MED13L: variants seen among roughly 807,000 people sequenced by gnomAD.
The protein encoded by MED13L is mediator of RNA polymerase II transcription subunit 13-like.
A neutral mutation model predicts 220.9 loss-of-function variants in MED13L; 7 were observed. That is an observed-to-expected ratio of 0.03 (90% CI 0.02 to 0.06). MED13L has a LOEUF of 0.06. Ranked by LOEUF, MED13L falls within the 10% of genes least tolerant of loss-of-function variation. MED13L has a pLI of 1.00. For missense variants in MED13L, 1,965 were observed against 2,760.5 expected, an observed-to-expected ratio of 0.71 and a Z score of 6.46; for synonymous variants, 1,011 against 1,015.2, an observed-to-expected ratio of 1.00 and a Z score of 0.08.
rs955289612 is a variant in MED13L, at chr12:116,252,000, T to A, written c.73-14295A>T. ...AATTCTTCAAGAAAACATAAAAAAA[T>A]CTAAAATGTCTAGGCACCTAATAAC... On this transcript the variant is annotated intron_variant, in intron 1 of 30. Transcript: ENST00000281928. Among the ~76,000 whole-genome samples, 14 of 150,878 alleles carry A rather than the reference T, an allele frequency of 9.3e-5. 1 individual carries two copies. Among genetic ancestry groups the A allele is most frequent in the African/African-American group, 3.2e-4 (13 of 41,032 alleles).
intron 2 of MED13L, among the ~76,000 whole-genome samples, chr12:116,156,080 A>G (rs1480078604): frequency 1.3e-5 from 2 of 152,114 alleles, no homozygotes; most frequent in Admixed American, 6.6e-5. Flanking sequence ...TAAACCTCTC[A>G]TTTTACTTCA....
At chr12:116,042,686 T>C (rs1881604869) in intron 4 of MED13L, among the ~76,000 whole-genome samples, 1 of 152,192 alleles carries the variant, frequency 6.6e-6, no homozygotes, top group African/African-American at 2.4e-5. Flanking sequence ...TTACATTTTG[T>C]TTATAAAAGC....
At chr12:116,178,274 A>G (rs1306564318) in intron 2 of MED13L, among the ~76,000 whole-genome samples, 3 of 152,240 alleles carry the variant, frequency 2.0e-5, no homozygotes, top group East Asian at 3.8e-4. Flanking sequence ...ATACTCAACC[A>G]AAGACTGGTA....
At chr12:116,206,203 C>T (rs1182086382) in intron 2 of MED13L, among the ~76,000 whole-genome samples, 1 of 150,862 alleles carries the variant, frequency 6.6e-6, no homozygotes, top group Non-Finnish European at 1.5e-5. Flanking sequence ...GCCTCAGCCT[C>T]CTAAGTAGCT....
chr12:116,018,497 A>C (rs1465104115), intron 7 of MED13L, among the ~76,000 whole-genome samples: 1 of 152,180 alleles, frequency 6.6e-6, no homozygotes. Context: ...AATGCTTATA[A>C]ATAAATAATC....
chr12:116,245,388 G>A (rs970768487), intron 1 of MED13L, among the ~76,000 whole-genome samples: 2 of 152,068 alleles, frequency 1.3e-5, no homozygotes, highest in Non-Finnish European at 2.9e-5. Flanking sequence ...GCAAATGTCG[G>A]TCACATGCTC....
chr12:116,023,888 T>C (rs558527105), intron 4 of MED13L, among the ~76,000 whole-genome samples: 1 of 152,150 alleles, frequency 6.6e-6, no homozygotes, highest in Non-Finnish European at 1.5e-5. Context: ...TATAAAATAA[T>C]ATAAACAGTA....
At chr12:116,242,900 AGAG>A (rs1870782375) in intron 1 of MED13L, among the ~76,000 whole-genome samples, 1 of 152,218 alleles carries the variant, frequency 6.6e-6, no homozygotes, top group Non-Finnish European at 1.5e-5. Flanking sequence ...AATTAGCCCT[AGAG>A]GATTATAAAA....
chr12:116,276,399 G>A lies in MED13L; in HGVS notation c.72+661C>T, dbSNP rs1466402532. The A allele has an allele frequency of 5.5e-6, 7 of 1,276,850 alleles. No individual in the cohort carries two copies. In the Admixed American group the frequency reaches 9.3e-5, roughly 17 times the overall value. The allele number at this position is 1,276,850 out of a possible 1,614,324, so 79.1% of individuals were successfully genotyped here. On this transcript the variant is annotated intron_variant, in intron 1 of 30. Transcript: ENST00000281928. ...GAAAAACAGTTTTTAAAAGACACAG[G>A]AGGAGAGAAAGAAGAAAAAGCTTTC...
chr12:115,975,813 C>T (rs1876898351), intron 23 of MED13L, 75 bp from the exon 24 acceptor site: 1 of 1,380,418 alleles, frequency 7.2e-7, no homozygotes, highest in African/African-American at 1.4e-5. Flanking sequence ...CAGAACGACA[C>T]TGAGGGGACC....
chr12:116,053,351 T>G (rs1469448427), intron 4 of MED13L, among the ~76,000 whole-genome samples: 1 of 152,100 alleles, frequency 6.6e-6, no homozygotes, highest in Non-Finnish European at 1.5e-5. Context: ...GAAGAAAAGC[T>G]TAGGTCTGTA....
intron 2 of MED13L, among the ~76,000 whole-genome samples, chr12:116,160,764 T>C (rs554494312): frequency 6.6e-6 from 1 of 150,918 alleles, no homozygotes; most frequent in African/African-American, 2.4e-5. Context: ...TTTATTTTTT[T>C]TTTTTTTGTA....
At chr12:116,277,026 G>GCC in intron 1 of MED13L, 34 bp downstream of exon 1, 1 of 780,322 alleles carries the variant, frequency 1.3e-6, no homozygotes, top group Non-Finnish European at 2.0e-6. Context: ...CCCCTTCCCC[G>GCC]GCACAGCCCC....
intron 4 of MED13L, among the ~76,000 whole-genome samples, chr12:116,044,515 T>C (rs1444177835): frequency 2.6e-5 from 4 of 152,172 alleles, no homozygotes; most frequent in Non-Finnish European, 4.4e-5. Flanking sequence ...GGCCATACTA[T>C]AGGTGGAAAT....
At position 115,960,842 on chromosome 12, in the gene MED13L, C is replaced by T; in HGVS notation, c.*424G>A. On this transcript the variant is annotated 3_prime_UTR_variant, in exon 31 of 31. Transcript: ENST00000281928. ...TCCCAGATTATGGAGTTCAGGTAAC[C>T]CACAGGCCATACACCAGTAACTAAG... The T allele has an allele frequency of 4.0e-6, 1 of 250,858 alleles. No homozygotes were observed. The highest frequency in any genetic ancestry group is 8.9e-5 in the East Asian group (1 of 11,220). 15.5% of individuals were successfully genotyped at this position (250,858 alleles called of 1,614,324 possible).
chr12:116,129,908 CAA>C (rs572694841), intron 2 of MED13L, among the ~76,000 whole-genome samples: 5 of 95,428 alleles, frequency 5.2e-5, no homozygotes, highest in African/African-American at 1.3e-4. Flanking sequence ...GACTCAGTCT[CAA>C]AAAAAAAAAA....
rs1875573710 is a variant in MED13L, at chr12:115,958,742, T to A, written c.*2524A>T. The A allele has an allele frequency of 6.6e-6, 1 of 152,586 alleles. No homozygotes were observed. Among genetic ancestry groups the A allele is most frequent in the African/African-American group, 2.4e-5 (1 of 41,452 alleles). 9.5% of individuals were successfully genotyped at this position (152,586 alleles called of 1,614,324 possible). On this transcript the variant is annotated 3_prime_UTR_variant, in exon 31 of 31. Coordinates refer to ENST00000281928, the MANE Select transcript of MED13L (RefSeq NM_015335.5). ...CAGCGCTATACTGTAGTTATTTTTT[T>A]AAATGAACTTCACATATTTTTGTAT...
chr12:115,976,366 TG>T (rs1341048031), intron 23 of MED13L, among the ~76,000 whole-genome samples: 2 of 152,124 alleles, frequency 1.3e-5, no homozygotes. Context: ...ACAAAACAGA[TG>T]AATCTCAACA....
chr12:116,245,215 A>G (rs1203158180), intron 1 of MED13L, among the ~76,000 whole-genome samples: 1 of 152,146 alleles, frequency 6.6e-6, no homozygotes, highest in Non-Finnish European at 1.5e-5. Context: ...ACTGCCCTCT[A>G]AGCACCCAGA....
Sources: allele counts gnomAD v4.1 joint callset (sites outside exome capture counted in the v4.1 genomes callset), GRCh38; gene constraint gnomAD v4.1.1; transcripts MANE v1.5; gene names NCBI Gene and HGNC (gene_info 2026-07-23, HGNC 2026-07-21).